Variants in FRMD4A observed in about 807,000 individuals in gnomAD.
FRMD4A encodes the protein FERM domain containing 4A.
In FRMD4A, 29 loss-of-function variants were observed where a neutral mutation model predicts 129.1. The observed-to-expected ratio is 0.22, with a 90% CI of 0.17 to 0.31. The LOEUF (loss-of-function observed/expected upper bound fraction) is 0.31, where lower values mean the gene tolerates loss of function less well. Ranked by LOEUF, FRMD4A falls within the 10% of genes least tolerant of loss-of-function variation. The pLI is 1.00. For synonymous variants in FRMD4A, 634 were observed against 571.6 expected (o/e 1.11, Z -1.56); for missense variants, 1,272 against 1,375.8 (o/e 0.92, Z 1.19).
chr10:13,946,131 T>C (rs192463414), intron 2 of FRMD4A, among the ~76,000 whole-genome samples: 44 of 152,358 alleles, frequency 2.9e-4, no homozygotes, highest in African/African-American at 9.1e-4. Context: ...CACTGGTTTA[T>C]GTCCCTTTCC....
At chr10:14,019,123 G>C (rs1041497831) in intron 2 of FRMD4A, among the ~76,000 whole-genome samples, 1 of 152,236 alleles carries the variant, frequency 6.6e-6, no homozygotes, top group Non-Finnish European at 1.5e-5. Context: ...TAATAGAAAA[G>C]AGGATCCTCA....
chr10:13,830,683 C>T (rs562876253), intron 3 of FRMD4A, among the ~76,000 whole-genome samples: 8 of 152,264 alleles, frequency 5.3e-5, no homozygotes, highest in East Asian at 3.9e-4. Context: ...GAAAGCAAAG[C>T]GGGAGGTGTA....
At chr10:13,794,791 T>A (rs1032396613) in intron 5 of FRMD4A, among the ~76,000 whole-genome samples, 16 of 152,256 alleles carry the variant, frequency 1.1e-4, no homozygotes, top group Admixed American at 5.9e-4. Context: ...GCGTCTATTA[T>A]GGCTACGGAT....
At chr10:13,996,368 C>A (rs1447793148) in intron 2 of FRMD4A, among the ~76,000 whole-genome samples, 9 of 152,250 alleles carry the variant, frequency 5.9e-5, no homozygotes, top group Non-Finnish European at 1.2e-4. Flanking sequence ...CAAAGCAAGG[C>A]TGTCACTGCC....
chr10:13,686,786 G>T (rs1312559047), intron 15 of FRMD4A, among the ~76,000 whole-genome samples: 2 of 152,110 alleles, frequency 1.3e-5, no homozygotes, highest in Non-Finnish European at 2.9e-5. Context: ...GTCGTTTATG[G>T]CCCTAGACTT....
At chr10:13,985,082 G>T (rs2095576205) in intron 2 of FRMD4A, among the ~76,000 whole-genome samples, 1 of 152,232 alleles carries the variant, frequency 6.6e-6, no homozygotes, top group Admixed American at 6.5e-5. Flanking sequence ...TGCTGGTGTG[G>T]GCTTCAGGTA....
intron 2 of FRMD4A, among the ~76,000 whole-genome samples, chr10:14,100,120 G>A (rs1564290603): frequency 6.6e-6 from 1 of 152,200 alleles, no homozygotes; most frequent in Admixed American, 6.5e-5. Flanking sequence ...TGTGGTGCCT[G>A]GCTGGCTCTG....
chr10:14,030,546 T>A (rs1397014790), intron 2 of FRMD4A, among the ~76,000 whole-genome samples: 3 of 152,238 alleles, frequency 2.0e-5, no homozygotes, highest in Non-Finnish European at 4.4e-5. Context: ...GAGAGGATTT[T>A]AAAGATTGTT....
intron 6 of FRMD4A, among the ~76,000 whole-genome samples, chr10:13,767,005 G>A (rs1351788374): frequency 6.6e-6 from 1 of 152,102 alleles, no homozygotes; most frequent in African/African-American, 2.4e-5. Flanking sequence ...CCCTGGAGAT[G>A]GAGGTTGCAG....
intron 2 of FRMD4A, among the ~76,000 whole-genome samples, chr10:13,987,214 C>T (rs576938239): frequency 1.4e-4 from 22 of 152,190 alleles, no homozygotes; most frequent in African/African-American, 4.6e-4. Context: ...TGCCACTTTA[C>T]CTCTGAACTA....
chr10:13,660,588 G>T, intron 19 of FRMD4A, 35 bp from the exon 20 acceptor site: 1 of 1,346,810 alleles, frequency 7.4e-7, no homozygotes, highest in South Asian at 1.3e-5. Flanking sequence ...ACTGAGCCCC[G>T]GTCATCCTTC....
intron 2 of FRMD4A, among the ~76,000 whole-genome samples, chr10:14,184,802 CTTAT>C (rs1482566413): frequency 1.3e-5 from 2 of 152,088 alleles, no homozygotes; most frequent in Non-Finnish European, 1.5e-5. Context: ...GGCGCATTTT[CTTAT>C]TTATTTATTT....
At chr10:13,848,833 G>A (rs1564906406) in intron 3 of FRMD4A, among the ~76,000 whole-genome samples, 1 of 152,152 alleles carries the variant, frequency 6.6e-6, no homozygotes, top group Non-Finnish European at 1.5e-5. Context: ...TCCTTACCAA[G>A]GGGGAAACGA....
chr10:14,077,233 T>C (rs1835667679), intron 2 of FRMD4A, among the ~76,000 whole-genome samples: 1 of 152,202 alleles, frequency 6.6e-6, no homozygotes, highest in African/African-American at 2.4e-5. Flanking sequence ...ATATGCATTA[T>C]AAGAATTATA....
chr10:14,066,915 A>G (rs1835085761), intron 2 of FRMD4A, among the ~76,000 whole-genome samples: 1 of 152,258 alleles, frequency 6.6e-6, no homozygotes, highest in Non-Finnish European at 1.5e-5. Flanking sequence ...GTTAACTATC[A>G]TGAGGTATTA....
At chr10:13,744,094 G>T (rs2091162785) in intron 9 of FRMD4A, among the ~76,000 whole-genome samples, 1 of 152,158 alleles carries the variant, frequency 6.6e-6, no homozygotes, top group African/African-American at 2.4e-5. Flanking sequence ...GAAATGCATG[G>T]GTGATGGAAG....
In FRMD4A at chr10:13,900,193, C is replaced by T. The variant is rs187438765; in HGVS notation, c.46-41281G>A. Among the ~76,000 whole-genome samples, 113 of 152,174 alleles carry T rather than the reference C, an allele frequency of 7.4e-4. 1 individual carries two copies. The highest frequency in any genetic ancestry group is 2.5e-3 in the African/African-American group (104 of 41,436). On this transcript the variant is annotated intron_variant, in intron 2 of 24. Coordinates refer to ENST00000357447, the MANE Select transcript of FRMD4A (RefSeq NM_018027.5). ...TCCGTCTCCTGTCATGTGTGGCCTG[C>T]GATCAAGTACTTAAAACCAGGGTCC...
At chr10:13,672,068 A>G (rs935970267) in intron 16 of FRMD4A, among the ~76,000 whole-genome samples, 1 of 152,246 alleles carries the variant, frequency 6.6e-6, no homozygotes, top group Non-Finnish European at 1.5e-5. Flanking sequence ...ATGTGTACGC[A>G]TGTATGCATG....
chr10:13,745,922 C>T (rs112592873), intron 9 of FRMD4A, among the ~76,000 whole-genome samples: 5 of 152,208 alleles, frequency 3.3e-5, no homozygotes, highest in South Asian at 2.1e-4. Flanking sequence ...AACAAGGAAA[C>T]GGGACCATCA....
Sources: gnomAD v4.1 joint callset for allele counts (sites outside exome capture counted in the v4.1 genomes callset) on GRCh38, gnomAD v4.1.1 for gene constraint, MANE v1.5 for transcripts, NCBI Gene and HGNC (gene_info 2026-07-23, HGNC 2026-07-21) for gene names.